Variants in PIR observed in about 807,000 individuals in gnomAD.
PIR encodes pirin.
Under a neutral mutation model 24.2 loss-of-function variants are expected in PIR, and 22 were observed. The ratio of observed to expected loss-of-function variants is 0.91; its 90% CI spans 0.65 to 1.30. PIR has a LOEUF of 1.30. PIR is among the 50% of genes most tolerant of loss of function. The pLI, the probability that PIR is intolerant of heterozygous loss-of-function variation, is 0.00. For missense variants in PIR, 220 were observed against 220.3 expected (o/e 1.00, Z 0.01); for synonymous variants, 80 against 79.6 (o/e 1.00, Z -0.03).
At chrX:15,489,400 A>T (rs1187640196) in intron 2 of PIR, among the ~76,000 whole-genome samples, 1 of 112,289 alleles carries the variant, frequency 8.9e-6, no homozygotes, top group East Asian at 2.8e-4. Flanking sequence ...GTTTCATCAA[A>T]CTGCCAAAGG....
chrX:15,446,950 A>T (rs890738716), intron 5 of PIR, among the ~76,000 whole-genome samples: 4 of 112,481 alleles, frequency 3.6e-5, no homozygotes, highest in African/African-American at 1.3e-4. Flanking sequence ...ATGACAGAAC[A>T]TGCTGTTCCT....
intron 7 of PIR, among the ~76,000 whole-genome samples, chrX:15,400,000 G>A (rs1172368044): frequency 9.0e-6 from 1 of 111,466 alleles, no homozygotes; most frequent in Non-Finnish European, 1.9e-5. Context: ...GATTCCCGTA[G>A]TGTGTGCCAA....
chrX:15,447,014 C>A (rs1392517864), intron 5 of PIR, among the ~76,000 whole-genome samples: 2 of 112,299 alleles, frequency 1.8e-5, no homozygotes, highest in Non-Finnish European at 3.8e-5. Flanking sequence ...TGTCTAAATA[C>A]TTGGCTATCT....
chrX:15,428,301 AC>A (rs1925390369), intron 5 of PIR, among the ~76,000 whole-genome samples: 1 of 111,957 alleles, frequency 8.9e-6, no homozygotes, highest in Non-Finnish European at 1.9e-5. Context: ...TGTATAAGAC[AC>A]CATCTGGAAA....
At chrX:15,420,352 G>A (rs1413404705) in intron 6 of PIR, among the ~76,000 whole-genome samples, 1 of 112,177 alleles carries the variant, frequency 8.9e-6, no homozygotes, top group Non-Finnish European at 1.9e-5. Flanking sequence ...TGATGTCTGA[G>A]AGCAGAGCAA....
At chrX:15,414,651 T>C (rs1924854295) in intron 6 of PIR, among the ~76,000 whole-genome samples, 1 of 111,389 alleles carries the variant, frequency 9.0e-6, no homozygotes, top group Non-Finnish European at 1.9e-5. Context: ...TAAGATTACT[T>C]CAGGATGTAT....
intron 5 of PIR, among the ~76,000 whole-genome samples, chrX:15,433,574 A>G (rs899189316): frequency 2.0e-5 from 2 of 99,493 alleles, no homozygotes; most frequent in African/African-American, 7.5e-5. Context: ...GAGAGAAAGA[A>G]AGAAATGAGG....
At chrX:15,465,156 C>T (rs1602286459) in intron 3 of PIR, among the ~76,000 whole-genome samples, 1 of 111,265 alleles carries the variant, frequency 9.0e-6, no homozygotes, top group Admixed American at 9.6e-5. Context: ...AATTAAACCT[C>T]GTTGCTCCTA....
intron 3 of PIR, among the ~76,000 whole-genome samples, chrX:15,466,578 G>A (rs934688273): frequency 7.1e-5 from 8 of 112,064 alleles, no homozygotes; most frequent in African/African-American, 2.6e-4. Context: ...TGGAGGCTCA[G>A]TCTCCTCATG....
intron 5 of PIR, among the ~76,000 whole-genome samples, chrX:15,439,087 C>T (rs1490849815): frequency 8.9e-6 from 1 of 112,292 alleles, no homozygotes; most frequent in Admixed American, 9.5e-5. Context: ...CCTTCACTCC[C>T]ACTGCCCTGG....
At chrX:15,426,752 G>A (rs367684073) in intron 5 of PIR, among the ~76,000 whole-genome samples, 20 of 112,012 alleles carry the variant, frequency 1.8e-4, no homozygotes, top group South Asian at 3.7e-4. Flanking sequence ...AGCTTGGCAC[G>A]GATGTGTAGT....
chrX:15,390,337 C>G, intron 8 of PIR, 86 bp from the exon 9 acceptor site: 1 of 521,130 alleles, frequency 1.9e-6, no homozygotes, highest in Non-Finnish European at 3.2e-6. Context: ...GACATGCTAG[C>G]CAAATAGGCG....
At chrX:15,394,531 C>G (rs982542361) in intron 8 of PIR, among the ~76,000 whole-genome samples, 64 of 111,413 alleles carry the variant, frequency 5.7e-4, no homozygotes, top group African/African-American at 2.1e-3. Flanking sequence ...GTTTGCTAAT[C>G]CATGAGGCTT....
At position 15,425,919 on chromosome X, in the gene PIR, T is replaced by C; in HGVS notation, c.552A>G (p.Gln184=). 8.6e-7 allele frequency: 1 copy of C among 1,159,452 alleles called. No individual in the cohort carries two copies. Among genetic ancestry groups the C allele is most frequent in the Non-Finnish European group, 1.2e-6 (1 of 848,527 alleles). Residue 184 remains glutamine (Q), a synonymous_variant, in exon 6 of 10, where the codon CAA becomes CAG. Transcript: ENST00000380420. ...AACCCATCATACCTTTAGGGATAGG[T>C]TGGGAATGTTTGGCTCCTGGGTCCA... ...FKLDPGAKHS[Q]PIPKGWTSFI...
At chrX:15,423,760 AG>A (rs969601258) in intron 6 of PIR, among the ~76,000 whole-genome samples, 10 of 112,356 alleles carry the variant, frequency 8.9e-5, no homozygotes, top group African/African-American at 3.2e-4. Context: ...AATGGGCAAA[AG>A]CTCAGAATAG....
chrX:15,437,904 T>C (rs903242101), intron 5 of PIR, among the ~76,000 whole-genome samples: 3 of 112,530 alleles, frequency 2.7e-5, no homozygotes, highest in Admixed American at 1.9e-4. Flanking sequence ...CCACTGTCTC[T>C]GGAAAATCTC....
intron 2 of PIR, among the ~76,000 whole-genome samples, chrX:15,481,081 A>G (rs1263731351): frequency 8.9e-6 from 1 of 112,694 alleles, no homozygotes; most frequent in African/African-American, 3.2e-5. Context: ...TAACTATGGT[A>G]TCTGGGAAGA....
At chrX:15,460,217 A>G (rs1318050775) in intron 3 of PIR, among the ~76,000 whole-genome samples, 3 of 111,777 alleles carry the variant, frequency 2.7e-5, no homozygotes, top group African/African-American at 9.8e-5. Flanking sequence ...TAGAACTCCT[A>G]TACAACACAG....
chrX:15,449,600 T>C (rs1267844642), intron 5 of PIR, among the ~76,000 whole-genome samples: 1 of 112,246 alleles, frequency 8.9e-6, no homozygotes, highest in Non-Finnish European at 1.9e-5. Flanking sequence ...TTCCAGAAAC[T>C]GCCTCAAAGA....
Sources: allele counts gnomAD v4.1 joint callset (sites outside exome capture counted in the v4.1 genomes callset), GRCh38; gene constraint gnomAD v4.1.1; transcripts MANE v1.5; gene names NCBI Gene and HGNC (gene_info 2026-07-23, HGNC 2026-07-21).